Variants in HS6ST1 observed in about 807,000 individuals in gnomAD.
The protein encoded by HS6ST1 is heparan-sulfate 6-O-sulfotransferase 1.
A neutral mutation model predicts 25.2 loss-of-function variants in HS6ST1; 3 were observed. That is an observed-to-expected ratio of 0.12 (90% CI 0.05 to 0.31). The LOEUF (loss-of-function observed/expected upper bound fraction) is 0.31, where lower values mean the gene tolerates loss of function less well. Among genes scored for constraint, HS6ST1 ranks in the 10% least tolerant of loss-of-function variants. The pLI is 1.00. For synonymous variants in HS6ST1, 204 were observed against 275.1 expected (o/e 0.74, Z 2.56); for missense variants, 310 against 609.6 (o/e 0.51, Z 5.18).
chr2:128,300,304 T>C (rs1194701215), intron 1 of HS6ST1, among the ~76,000 whole-genome samples: 1 of 152,054 alleles, frequency 6.6e-6, no homozygotes, highest in African/African-American at 2.4e-5. Flanking sequence ...CTACCATCCC[T>C]ACCTGGACCC....
At chr2:128,298,829 C>T (rs966366307) in intron 1 of HS6ST1, among the ~76,000 whole-genome samples, 1 of 152,184 alleles carries the variant, frequency 6.6e-6, no homozygotes, top group Admixed American at 6.5e-5. Flanking sequence ...TACTTCACCA[C>T]AATAAAAAAC....
rs1488992365 is a variant in HS6ST1 at position 128,266,164 on chromosome 2, A to C, written c.*1998T>G. 6.6e-6 allele frequency: 1 copy of C among 152,088 alleles called. No individual in the cohort carries two copies. Among genetic ancestry groups the C allele is most frequent in the African/African-American group, 2.4e-5 (1 of 41,422 alleles). 9.4% of individuals were successfully genotyped at this position (152,088 alleles called of 1,614,324 possible). A position where few individuals can be genotyped will look rare whatever the true frequency, so the allele number is the denominator to read the frequency against. On this transcript the variant is annotated 3_prime_UTR_variant, in exon 2 of 2. Coordinates refer to ENST00000259241, the MANE Select transcript of HS6ST1 (RefSeq NM_004807.3). Reference sequence around the variant, plus strand: ...GGTGAAGGTGAGGTCACCTTGAGCCAGGCCTCTGGCTGGGTGTCCACCTCC... The same window carrying C: ...GGTGAAGGTGAGGTCACCTTGAGCCCGGCCTCTGGCTGGGTGTCCACCTCC...
At chr2:128,291,964 C>G (rs926688213) in intron 1 of HS6ST1, among the ~76,000 whole-genome samples, 1 of 152,240 alleles carries the variant, frequency 6.6e-6, no homozygotes, top group Non-Finnish European at 1.5e-5. Flanking sequence ...CTTCTCAACG[C>G]CAGGGGAGAC....
rs142919287 is a variant in HS6ST1 at position 128,308,540 on chromosome 2, C to T, written c.527+9497G>A. Among the ~76,000 whole-genome samples, 563 of 152,360 alleles carry T rather than the reference C, an allele frequency of 3.7e-3. 3 individuals carry two copies. Among genetic ancestry groups the T allele is most frequent in the Non-Finnish European group, 5.1e-3 (344 of 68,028 alleles). The stretch of plus-strand genomic sequence containing the variant: ...TCAGGCTGCCACCCACAGGGTCTCA[C>T]GACCTGGGCACCAGGACAGATGTGC... On this transcript the variant is annotated intron_variant, in intron 1 of 1. Coordinates refer to ENST00000259241, the MANE Select transcript of HS6ST1 (RefSeq NM_004807.3).
intron 1 of HS6ST1, among the ~76,000 whole-genome samples, chr2:128,270,278 G>T (rs1174689976): frequency 6.6e-6 from 1 of 152,214 alleles, no homozygotes; most frequent in East Asian, 1.9e-4. Flanking sequence ...GCAGGACTGA[G>T]CTGACGACCC....
In HS6ST1 at chr2:128,309,030, C is replaced by T. The variant is rs116702354; in HGVS notation, c.527+9007G>A. 2.4e-3 allele frequency among the ~76,000 whole-genome samples: 358 copies of T among 152,324 alleles called. 2 individuals are homozygous for T. Among genetic ancestry groups the T allele is most frequent in the African/African-American group, 8.2e-3 (340 of 41,576 alleles). On this transcript the variant is annotated intron_variant, in intron 1 of 1. Transcript: ENST00000259241. ...TATGCCCATTTTACAGATGGGGAAC[C>T]TGAGCTGCAGAAGCCTGTGAGATGC...
At chr2:128,285,576 G>A (rs956749537) in intron 1 of HS6ST1, among the ~76,000 whole-genome samples, 21 of 137,424 alleles carry the variant, frequency 1.5e-4, no homozygotes, top group Admixed American at 9.8e-4. Context: ...CTAGGACCAG[G>A]GGAAGCCTTG....
intron 1 of HS6ST1, among the ~76,000 whole-genome samples, chr2:128,274,963 C>CA (rs56898137): frequency 0.13 from 6,462 of 51,206 alleles, 1,291 homozygotes; most frequent in African/African-American, 0.26. Flanking sequence ...GACTCCGTCT[C>CA]AAAAAAAAAA....
chr2:128,318,373 T>C lies in HS6ST1; in HGVS notation c.191A>G (p.Tyr64Cys), dbSNP rs767935006. The C allele has an allele frequency of 2.5e-6, 4 of 1,610,546 alleles. No individual in the cohort carries two copies. Among genetic ancestry groups the C allele is most frequent in the Non-Finnish European group, 3.4e-6 (4 of 1,179,098 alleles). Residue 64 changes from tyrosine to cysteine, a missense_variant, in exon 1 of 2, where the codon TAC becomes TGC. By Grantham distance (194) the Tyr-to-Cys change is radical (BLOSUM62 -2). This residue lies in a region of HS6ST1 where 63 missense variants were observed against 105.4 expected (regional missense o/e 0.60). Transcript: ENST00000259241. The surrounding 1 kb of genome is among the most constrained non-coding windows in gnomAD (Gnocchi z 5.7). ...LDLFPTPDPH[Y>C]EKKYYFPVRE... ...GACCGGGAAGTAGTACTTCTTCTCG[T>C]AGTGGGGGTCGGGTGTGGGGAACAG...
chr2:128,312,701 A>G (rs1339929949), intron 1 of HS6ST1, among the ~76,000 whole-genome samples: 1 of 152,204 alleles, frequency 6.6e-6, no homozygotes, highest in Non-Finnish European at 1.5e-5. Flanking sequence ...CTCATTGGGC[A>G]AGGCTTTGCA....
rs148085192 is a variant in HS6ST1, at chr2:128,271,027, C to T, written c.528-2157G>A. 1.8e-3 allele frequency among the ~76,000 whole-genome samples: 270 copies of T among 152,344 alleles called. 3 individuals carry two copies. The highest frequency in any genetic ancestry group is 6.0e-3 in the African/African-American group (251 of 41,588). On this transcript the variant is annotated intron_variant, in intron 1 of 1. Coordinates refer to ENST00000259241, the MANE Select transcript of HS6ST1 (RefSeq NM_004807.3). ...CCCCACACCCATTCAGGGACCATCC[C>T]CTGAAGCCCAAGGCATGCCTCCATC...
intron 1 of HS6ST1, among the ~76,000 whole-genome samples, chr2:128,310,258 G>A (rs1047629366): frequency 2.6e-5 from 4 of 152,184 alleles, no homozygotes; most frequent in East Asian, 1.9e-4. Context: ...AAGACCTCCC[G>A]AGGTGGCCCC....
chr2:128,294,734 G>A (rs1029934100), intron 1 of HS6ST1, among the ~76,000 whole-genome samples: 4 of 150,840 alleles, frequency 2.7e-5, no homozygotes, highest in Non-Finnish European at 4.4e-5. Flanking sequence ...AGACAAAAGA[G>A]GTCTTCGGAC....
chr2:128,303,457 C>A (rs957985054), intron 1 of HS6ST1, among the ~76,000 whole-genome samples: 1 of 152,230 alleles, frequency 6.6e-6, no homozygotes, highest in Non-Finnish European at 1.5e-5. Flanking sequence ...AGAACAAAAC[C>A]GAAGAGAAGT....
chr2:128,313,660 C>T (rs748832396), intron 1 of HS6ST1, among the ~76,000 whole-genome samples: 2 of 152,122 alleles, frequency 1.3e-5, no homozygotes, highest in Non-Finnish European at 2.9e-5. Context: ...CCCAAGGTGG[C>T]CACTCCCCCG....
chr2:128,291,005 T>C lies in HS6ST1; in HGVS notation c.528-22135A>G, dbSNP rs549697539. 8.5e-5 allele frequency among the ~76,000 whole-genome samples: 13 copies of C among 152,130 alleles called. 1 individual carries two copies. The South Asian group carries it at 2.7e-3, about 32-fold the overall frequency. ...AAATTAAAAAAAAAAGTTCCTTAATTTGATAAAGTATCCCCAAAACCTAGA... is the reference window on the plus strand; with the variant it reads ...AAATTAAAAAAAAAAGTTCCTTAATCTGATAAAGTATCCCCAAAACCTAGA... On this transcript the variant is annotated intron_variant, in intron 1 of 1. Transcript: ENST00000259241.
chr2:128,308,465 T>C (rs1694244111), intron 1 of HS6ST1, among the ~76,000 whole-genome samples: 1 of 152,200 alleles, frequency 6.6e-6, no homozygotes, highest in Admixed American at 6.5e-5. Flanking sequence ...CTCTTGACCC[T>C]GGGTTCCTCT....
rs74827659 is a variant in HS6ST1 at position 128,305,399 on chromosome 2, C to T, written c.527+12638G>A. Reference sequence around the variant, plus strand: ...AGGGTTCAGGACGTGTGCCGACAAGCGGCCCTGCCTGGACTTGCGTGAGCT... The same window carrying T: ...AGGGTTCAGGACGTGTGCCGACAAGTGGCCCTGCCTGGACTTGCGTGAGCT... On this transcript the variant is annotated intron_variant, in intron 1 of 1. Transcript: ENST00000259241. 6.6e-4 allele frequency among the ~76,000 whole-genome samples: 100 copies of T among 152,334 alleles called. 1 individual carries two copies. In the East Asian group the frequency reaches 0.013, roughly 19 times the overall value.
At chr2:128,281,201 T>A (rs1287086595) in intron 1 of HS6ST1, among the ~76,000 whole-genome samples, 2 of 152,210 alleles carry the variant, frequency 1.3e-5, no homozygotes, top group African/African-American at 4.8e-5. Flanking sequence ...GGCCAGCTGG[T>A]GCCTGCTGGC....
Sources: gnomAD v4.1 joint callset for allele counts (sites outside exome capture counted in the v4.1 genomes callset) on GRCh38, gnomAD v4.1.1 for gene constraint, gnomAD v4.1.1 regional missense constraint, Gnocchi (gnomAD v3.1) non-coding constraint, MANE v1.5 for transcripts, NCBI Gene and HGNC (gene_info 2026-07-23, HGNC 2026-07-21) for gene names.